The following SGSM1 variants were observed in gnomAD, a reference collection of about 807,000 sequenced individuals.
SGSM1 encodes small G protein signaling modulator 1, also known as RUN and TBC1 domain containing 2.
SGSM1 carries 73 observed loss-of-function variants against 133.8 expected under a neutral mutation model. The observed-to-expected ratio is 0.55, with a 90% CI of 0.45 to 0.66. The LOEUF (loss-of-function observed/expected upper bound fraction) is 0.66, where lower values mean the gene tolerates loss of function less well. Among genes scored for constraint, SGSM1 ranks in the 30% least tolerant of loss-of-function variants. The probability of loss-of-function intolerance (pLI) is 0.00; values close to 1 mark genes in which losing one functional copy is unlikely to be tolerated. For synonymous variants in SGSM1, 563 were observed against 573.0 expected (o/e 0.98, Z 0.25); for missense variants, 1,213 against 1,448.1 (o/e 0.84, Z 2.64).
At chr22:24,900,929 G>A (rs557580110) in intron 19 of SGSM1, among the ~76,000 whole-genome samples, 3 of 152,076 alleles carry the variant, frequency 2.0e-5, no homozygotes, top group Non-Finnish European at 4.4e-5. Context: ...TCAAGAGAGG[G>A]GTTTTCTTCT....
At chr22:24,856,439 G>A (rs2147854888) in intron 8 of SGSM1, among the ~76,000 whole-genome samples, 1 of 152,306 alleles carries the variant, frequency 6.6e-6, no homozygotes, top group Admixed American at 6.5e-5. Flanking sequence ...CCATCACTCA[G>A]TCACCTTCTC....
Position 24,890,335 on chromosome 22 carries a change from AT to A in SGSM1, c.1771-3093del, listed in dbSNP as rs1932794046. 5.3e-5 allele frequency among the ~76,000 whole-genome samples: 8 copies of A among 152,178 alleles called. No individual in the cohort carries two copies. The South Asian group carries it at 1.7e-3, about 31-fold the overall frequency. ...ATAACTCCATCGTAAGTCGAGAAGCATTTGTAATTATAAGTTCACAAGAAGC... is the reference window on the plus strand; with the variant it reads ...ATAACTCCATCGTAAGTCGAGAAGCATTGTAATTATAAGTTCACAAGAAGC... On this transcript the variant is annotated intron_variant, in intron 16 of 24. Transcript: ENST00000400358.
chr22:24,893,409 G>C (rs1932848140), intron 16 of SGSM1, 22 bp from the exon 17 acceptor site: 1 of 1,611,860 alleles, frequency 6.2e-7, no homozygotes, highest in African/African-American at 1.3e-5. Flanking sequence ...CACCTCGGGT[G>C]ACATTGCATC....
intron 2 of SGSM1, among the ~76,000 whole-genome samples, chr22:24,820,556 A>G (rs1373551265): frequency 6.6e-6 from 1 of 152,188 alleles, no homozygotes; most frequent in East Asian, 1.9e-4. Flanking sequence ...ACAGGCTCTT[A>G]TCATTTTTCA....
At position 24,845,955 on chromosome 22, in the gene SGSM1, T is replaced by TTCTC. The variant is rs1555924260; in HGVS notation, c.139+986_139+987insCTCT. ...CTTTTCTTTTCTTTTCTTTCTTTCT[T>TTCTC]TCTTTCTTTCTTTCTTTCTTTCTTT... On this transcript the variant is annotated intron_variant, in intron 3 of 24. Coordinates refer to ENST00000400358, the MANE Select transcript of SGSM1 (RefSeq NM_001098497.3). Among the ~76,000 whole-genome samples, 420 of 91,918 alleles carry TTCTC rather than the reference T, an allele frequency of 4.6e-3. 11 individuals are homozygous for TTCTC. The highest frequency in any genetic ancestry group is 0.014 in the African/African-American group (378 of 27,078). 60.3% of individuals were successfully genotyped at this position (91,918 alleles called of 152,430 possible). A position where few individuals can be genotyped will look rare whatever the true frequency, so the allele number is the denominator to read the frequency against.
chr22:24,838,147 A>G (rs9620443), intron 2 of SGSM1, among the ~76,000 whole-genome samples: 2,433 of 152,276 alleles, frequency 0.016, 72 homozygotes, highest in African/African-American at 0.055. Context: ...ATTCTTTTGT[A>G]TGTAGCTATC....
intron 21 of SGSM1, among the ~76,000 whole-genome samples, chr22:24,905,414 A>G (rs1378684397): frequency 6.6e-6 from 1 of 152,198 alleles, no homozygotes; most frequent in African/African-American, 2.4e-5. Context: ...TGATTATATG[A>G]ATATGAATGA....
intron 19 of SGSM1, among the ~76,000 whole-genome samples, chr22:24,900,381 T>TTCTTTCTTTCTTTCTTTCTTTCTTTC (rs1569170934): frequency 2.9e-4 from 21 of 72,636 alleles, no homozygotes; most frequent in African/African-American, 9.8e-4. Flanking sequence ...CTTTCTTTCT[T>TTCTTTCTTTCTTTCTTTCTTTCTTTC]TCTTTCTTTC....
chr22:24,836,855 C>T (rs1929457837), intron 2 of SGSM1, among the ~76,000 whole-genome samples: 2 of 152,164 alleles, frequency 1.3e-5, no homozygotes, highest in South Asian at 4.1e-4. Flanking sequence ...CAGATATTTT[C>T]TTCTATTTCA....
At chr22:24,873,061 C>T (rs1476707167) in intron 12 of SGSM1, among the ~76,000 whole-genome samples, 10 of 151,814 alleles carry the variant, frequency 6.6e-5, no homozygotes, top group Admixed American at 2.6e-4. Flanking sequence ...TGGGCTCAGT[C>T]GATCCTTCCA....
intron 3 of SGSM1, among the ~76,000 whole-genome samples, chr22:24,845,942 TTTC>T (rs1402762223): frequency 3.4e-3 from 55 of 16,192 alleles, no homozygotes; most frequent in Middle Eastern, 0.029. Flanking sequence ...TTTCTTTTCT[TTTC>T]TTTCTTTCTT....
rs188718476 is a variant in SGSM1, at chr22:24,871,227, G to T, written c.1291+2372G>T. 2.8e-3 allele frequency among the ~76,000 whole-genome samples: 427 copies of T among 152,226 alleles called. 1 individual carries two copies. Among genetic ancestry groups the T allele is most frequent in the Middle Eastern group, 6.8e-3 (2 of 294 alleles). Reference sequence around the variant, plus strand: ...GTGTCCTCTGGAGGGTGGCAAAATTGCCTCTGCTTGAGAACCGTTGGTTTA... The same window carrying T: ...GTGTCCTCTGGAGGGTGGCAAAATTTCCTCTGCTTGAGAACCGTTGGTTTA... On this transcript the variant is annotated intron_variant, in intron 12 of 24. Transcript: ENST00000400358.
At chr22:24,840,073 G>T (rs1929701364) in intron 2 of SGSM1, among the ~76,000 whole-genome samples, 1 of 151,470 alleles carries the variant, frequency 6.6e-6, no homozygotes, top group Non-Finnish European at 1.5e-5. Context: ...CTCCCGAGTA[G>T]CTGGGACTAC....
intron 23 of SGSM1, among the ~76,000 whole-genome samples, chr22:24,917,992 G>GTTCAGAGCTAGGGAGAGTTAAC (rs2123745857): frequency 6.6e-6 from 1 of 152,284 alleles, no homozygotes; most frequent in African/African-American, 2.4e-5. Context: ...GAAGGGTTAA[G>GTTCAGAGCTAGGGAGAGTTAAC]TTCAGAGCTA....
chr22:24,810,148 A>C (rs1056334379), intron 2 of SGSM1, among the ~76,000 whole-genome samples: 3 of 152,164 alleles, frequency 2.0e-5, no homozygotes, highest in Non-Finnish European at 2.9e-5. Flanking sequence ...GGACATCGAG[A>C]ACAGGGAAAG....
At chr22:24,885,525 G>A (rs1161052910) in intron 15 of SGSM1, among the ~76,000 whole-genome samples, 4 of 141,064 alleles carry the variant, frequency 2.8e-5, no homozygotes, top group Non-Finnish European at 6.0e-5. Flanking sequence ...TGCAAGCTCC[G>A]CTTCCCGGGT....
Position 24,927,315 on chromosome 22 carries a change from G to A in SGSM1, c.*3041G>A, listed in dbSNP as rs1475055668. ...TACATGGCTATGATAGCAGATCCCA[G>A]AAGGTAAGCAGAAACACACACTGTC... On this transcript the variant is annotated 3_prime_UTR_variant, in exon 25 of 25. Transcript: ENST00000400358. The A allele has an allele frequency of 6.6e-6, 1 of 152,234 alleles. No homozygotes were observed. Among genetic ancestry groups the A allele is most frequent in the East Asian group, 1.9e-4 (1 of 5,198 alleles). 9.4% of individuals were successfully genotyped at this position (152,234 alleles called of 1,614,324 possible). A position where few individuals can be genotyped will look rare whatever the true frequency, so the allele number is the denominator to read the frequency against.
chr22:24,843,525 A>C (rs1001878809), intron 2 of SGSM1: 27 of 152,172 alleles, frequency 1.8e-4, no homozygotes, highest in African/African-American at 6.5e-4. Context: ...ACTTTGCTTT[A>C]TTTACCCCAA....
intron 21 of SGSM1, among the ~76,000 whole-genome samples, chr22:24,911,532 G>T (rs1933623520): frequency 6.6e-6 from 1 of 152,088 alleles, no homozygotes; most frequent in East Asian, 1.9e-4. Flanking sequence ...GCAGTGATGG[G>T]ATGAGAAACC....
Sources: gnomAD v4.1 joint callset for allele counts (sites outside exome capture counted in the v4.1 genomes callset) on GRCh38, gnomAD v4.1.1 for gene constraint, MANE v1.5 for transcripts, NCBI Gene and HGNC (gene_info 2026-07-23, HGNC 2026-07-21) for gene names.